HGSNAT: variants seen among roughly 807,000 people sequenced by gnomAD.
HGSNAT encodes heparan-alpha-glucosaminide N-acetyltransferase.
A neutral mutation model predicts 85.2 loss-of-function variants in HGSNAT; 59 were observed. The ratio of observed to expected loss-of-function variants is 0.69; its 90% CI spans 0.56 to 0.86. The LOEUF is 0.86. HGSNAT is among the 40% of genes least tolerant of loss of function. The pLI is 0.00. For missense variants in HGSNAT, 756 were observed against 777.1 expected (o/e 0.97, Z 0.32); for synonymous variants, 321 against 304.5 (o/e 1.05, Z -0.56).
chr8:43,159,181 A>C, intron 4 of HGSNAT, 137 bp downstream of exon 4: 1 of 671,332 alleles, frequency 1.5e-6, no homozygotes. Flanking sequence ...GATGAGCACC[A>C]CTCCCCCCAA....
chr8:43,159,753 T>G (rs1293117077), intron 4 of HGSNAT, among the ~76,000 whole-genome samples: 2 of 152,236 alleles, frequency 1.3e-5, no homozygotes, highest in African/African-American at 4.8e-5. Flanking sequence ...ATTTCCTGTA[T>G]ATCTTCTGCT....
chr8:43,191,606 C>T lies in HGSNAT; in HGVS notation c.1250+11C>T, dbSNP rs185075731. ...CCCTGGGTGCCCTACGTAAGCGAAC[C>T]CCTGGGGGTCATCCCTTGTGCATGT... On this transcript the variant is annotated intron_variant, in intron 12 of 17. Coordinates refer to ENST00000379644, the MANE Select transcript of HGSNAT (RefSeq NM_152419.3). 6.2e-7 allele frequency: 1 copy of T among 1,613,270 alleles called. No homozygotes were observed. Among genetic ancestry groups the T allele is most frequent in the Non-Finnish European group, 8.5e-7 (1 of 1,179,380 alleles).
At chr8:43,187,266 T>C (rs1210960319) in intron 11 of HGSNAT, among the ~76,000 whole-genome samples, 19 of 152,232 alleles carry the variant, frequency 1.2e-4, no homozygotes, top group Non-Finnish European at 1.9e-4. Context: ...ATTATTATCA[T>C]GTGGGAGTGT....
chr8:43,188,747 C>G (rs558154520), intron 11 of HGSNAT, among the ~76,000 whole-genome samples: 1 of 152,334 alleles, frequency 6.6e-6, no homozygotes, highest in East Asian at 1.9e-4. Context: ...GAATTTTCAG[C>G]TTTTCTGCTC....
chr8:43,194,664 TCACACGGTGTCCC>T, intron 14 of HGSNAT: 2 of 260,414 alleles, frequency 7.7e-6, no homozygotes, highest in Non-Finnish European at 1.2e-5. Context: ...TGCTGTGTCC[TCACACGGTGTCCC>T]CACCAGCTGG....
intron 11 of HGSNAT, among the ~76,000 whole-genome samples, chr8:43,182,604 T>C (rs1176055375): frequency 3.3e-5 from 5 of 152,118 alleles, no homozygotes; most frequent in Non-Finnish European, 5.9e-5. Context: ...CCACCATGCC[T>C]GGCTAGTTTT....
intron 2 of HGSNAT, among the ~76,000 whole-genome samples, chr8:43,152,599 G>T (rs972982765): frequency 6.6e-6 from 1 of 152,000 alleles, no homozygotes; most frequent in Non-Finnish European, 1.5e-5. Flanking sequence ...TATAGGCGTG[G>T]ACCATGACAC....
intron 11 of HGSNAT, among the ~76,000 whole-genome samples, chr8:43,182,924 A>G (rs917752597): frequency 1.1e-4 from 17 of 152,164 alleles, no homozygotes; most frequent in African/African-American, 3.6e-4. Context: ...CATGAGATCT[A>G]TCCTCTTAAC....
At chr8:43,179,483 G>A (rs1208931857) in intron 10 of HGSNAT, among the ~76,000 whole-genome samples, 5 of 115,736 alleles carry the variant, frequency 4.3e-5, no homozygotes, top group African/African-American at 1.1e-4. Flanking sequence ...GCGGCCGGCC[G>A]GAAGGGGGGC....
In HGSNAT at chr8:43,158,584, C is replaced by T; in HGVS notation, c.244C>T (p.Gln82Ter). 1 of 1,613,822 alleles carries T rather than the reference C, an allele frequency of 6.2e-7. No individual in the cohort carries two copies. The highest frequency in any genetic ancestry group is 8.5e-7 in the Non-Finnish European group (1 of 1,179,808). The change falls in exon 3 of 18, where the codon CAG (glutamine) becomes TAG (stop). Residue 82 changes from glutamine (Q) to a stop codon, truncating the protein, a stop_gained. Transcript: ENST00000379644. LOFTEE classifies it high-confidence loss of function. ...KSECCYHCLF[Q>*]VLVNVPQSPK... is the part of the protein sequence containing the mutation. The stretch of plus-strand genomic sequence containing the variant: ...GTGCTTTTATTTACAGTGCTTGTTT[C>T]AGGTTCTGGTAAACGTTCCTCAGAG...
chr8:43,156,824 T>G (rs987840872), intron 2 of HGSNAT, among the ~76,000 whole-genome samples: 1 of 152,216 alleles, frequency 6.6e-6, no homozygotes, highest in African/African-American at 2.4e-5. Flanking sequence ...TCTTTTGTAT[T>G]AGTACAGCTA....
At chr8:43,196,832 C>T (rs1804742532) in intron 14 of HGSNAT, 116 bp from the exon 15 acceptor site, 1 of 701,048 alleles carries the variant, frequency 1.4e-6, no homozygotes, top group Non-Finnish European at 2.5e-6. Context: ...ATCCCAGCAC[C>T]TAGTAGCGTG....
intron 11 of HGSNAT, among the ~76,000 whole-genome samples, chr8:43,187,265 A>T (rs1804349706): frequency 6.6e-6 from 1 of 152,034 alleles, no homozygotes; most frequent in East Asian, 1.9e-4. Flanking sequence ...CATTATTATC[A>T]TGTGGGAGTG....
At position 43,175,557 on chromosome 8, in the gene HGSNAT, CTT is replaced by C. The variant is rs572939859; in HGVS notation, c.851+1838_851+1839del. 4.2e-3 allele frequency among the ~76,000 whole-genome samples: 264 copies of C among 63,114 alleles called. 1 individual carries two copies. The highest frequency in any genetic ancestry group is 0.014 in the African/African-American group (223 of 15,794). 41.4% of individuals were successfully genotyped at this position (63,114 alleles called of 152,430 possible). ...AATGTCTGTTCAGATCTTTTGTCCT[CTT>C]TTTTTTTTTTTTTTTTTTTTTTTCA... On this transcript the variant is annotated intron_variant, in intron 9 of 17. Transcript: ENST00000379644.
At chr8:43,172,266 A>G (rs1392031908) in intron 7 of HGSNAT, 44 bp from the exon 8 acceptor site, 1 of 1,396,882 alleles carries the variant, frequency 7.2e-7, no homozygotes, top group African/African-American at 1.4e-5. Flanking sequence ...CTTCCTTTTC[A>G]CATAGCAAAC....
chr8:43,186,729 T>C (rs1200486100), intron 11 of HGSNAT, among the ~76,000 whole-genome samples: 4 of 152,222 alleles, frequency 2.6e-5, no homozygotes, highest in Non-Finnish European at 4.4e-5. Context: ...TTAATTGTGA[T>C]GTTAGGGTGT....
intron 6 of HGSNAT, 125 bp downstream of exon 6, chr8:43,169,367 G>A (rs1288292762): frequency 1.9e-5 from 11 of 582,682 alleles, no homozygotes; most frequent in Admixed American, 6.2e-5. Context: ...TGTAGCTCCC[G>A]TATTCCTAAT....
rs1333876260 is a variant in HGSNAT at position 43,197,376 on chromosome 8, G to C, written c.1543-296G>C. The C allele has an allele frequency of 1.1e-5, 6 of 535,740 alleles. No homozygotes were observed. The East Asian group carries it at 1.9e-4, about 17-fold the overall frequency. 33.2% of individuals were successfully genotyped at this position (535,740 alleles called of 1,614,324 possible). On this transcript the variant is annotated intron_variant, in intron 15 of 17. Transcript: ENST00000379644. ...GATTATATGGGAAAGAGAGTTGCAA[G>C]GTTGACTGTTTGTTCATTTCATCCT... is the stretch of plus-strand genomic sequence containing the variant.
intron 9 of HGSNAT, among the ~76,000 whole-genome samples, chr8:43,177,701 G>T (rs1803862844): frequency 6.6e-6 from 1 of 152,168 alleles, no homozygotes. Context: ...GTATAGAAAT[G>T]ATTGAAATGT....
Sources: gnomAD v4.1 joint callset for allele counts (sites outside exome capture counted in the v4.1 genomes callset) on GRCh38, gnomAD v4.1.1 for gene constraint, MANE v1.5 for transcripts, NCBI Gene and HGNC (gene_info 2026-07-23, HGNC 2026-07-21) for gene names.